The following TMEM108 variants were observed in gnomAD, a reference collection of about 807,000 sequenced individuals.
TMEM108 encodes the protein transmembrane protein 108, also known as cancer/testis antigen 124.
Under a neutral mutation model 35.1 loss-of-function variants are expected in TMEM108, and 12 were observed. That is an observed-to-expected ratio of 0.34 (90% CI 0.22 to 0.55). The LOEUF is 0.55. Ranked by LOEUF, TMEM108 falls within the 20% of genes least tolerant of loss-of-function variation. The pLI is 0.89. For synonymous variants in TMEM108, 287 were observed against 308.6 expected, an observed-to-expected ratio of 0.93 and a Z score of 0.73; for missense variants, 680 against 753.3, an observed-to-expected ratio of 0.90 and a Z score of 1.14.
At chr3:133,076,766 G>A (rs1943747490) in intron 2 of TMEM108, among the ~76,000 whole-genome samples, 1 of 152,202 alleles carries the variant, frequency 6.6e-6, no homozygotes, top group South Asian at 2.1e-4. Context: ...GAAGGCTTTG[G>A]CAATGGGCAG....
At chr3:133,051,856 T>C (rs562310814) in intron 2 of TMEM108, among the ~76,000 whole-genome samples, 1 of 152,294 alleles carries the variant, frequency 6.6e-6, no homozygotes, top group South Asian at 2.1e-4. Flanking sequence ...TATTGGTCTA[T>C]AGGTCTGTTA....
rs866075699 is a variant in TMEM108, at chr3:133,380,253, G to T, written c.542G>T (p.Arg181Leu). The T allele has an allele frequency of 6.2e-7, 1 of 1,613,784 alleles. No individual in the cohort carries two copies. The highest frequency in any genetic ancestry group is 1.1e-5 in the South Asian group (1 of 91,052). The change falls in exon 4 of 6, where the codon CGC becomes CTC. Residue 181 changes from arginine to leucine, a missense_variant. Transcript: ENST00000321871. The surrounding 1 kb of genome is among the most constrained non-coding windows in gnomAD (Gnocchi z 5.3). ...SSRKGAGNSS[R>L]PVPPAPGGHS... ...CGAAAAGGGGCTGGTAATTCATCACGCCCTGTCCCGCCTGCACCTGGTGGC... is the reference window on the plus strand; with the variant it reads ...CGAAAAGGGGCTGGTAATTCATCACTCCCTGTCCCGCCTGCACCTGGTGGC...
At position 133,271,590 on chromosome 3, in the gene TMEM108, A is replaced by G. The variant is rs72976199; in HGVS notation, c.40+42239A>G. Among the ~76,000 whole-genome samples the G allele has an allele frequency of 5.6e-3, 855 of 152,298 alleles. 14 individuals are homozygous for G. The highest frequency in any genetic ancestry group is 0.02 in the African/African-American group (821 of 41,558). ...GAGAGAAATAGCAGGAATTAACAGTATGGTGGCTTCACACGATTGCCCAGA... is the reference window on the plus strand; with the variant it reads ...GAGAGAAATAGCAGGAATTAACAGTGTGGTGGCTTCACACGATTGCCCAGA... On this transcript the variant is annotated intron_variant, in intron 3 of 5. Coordinates refer to ENST00000321871, the MANE Select transcript of TMEM108 (RefSeq NM_023943.4).
chr3:133,232,189 C>T (rs1049525273), intron 3 of TMEM108, among the ~76,000 whole-genome samples: 1 of 152,008 alleles, frequency 6.6e-6, no homozygotes, highest in African/African-American at 2.4e-5. Flanking sequence ...AAATTTTATC[C>T]CGTTTTGGAG....
At position 133,248,029 on chromosome 3, in the gene TMEM108, A is replaced by G. The variant is rs568072694; in HGVS notation, c.40+18678A>G. 2.6e-5 allele frequency: 4 copies of G among 152,316 alleles called. No individual in the cohort carries two copies. The South Asian group carries it at 6.2e-4, about 24-fold the overall frequency. 9.4% of individuals were successfully genotyped at this position (152,316 alleles called of 1,614,324 possible). ...GAAAAAATAGTGTGTTATAGGATAC[A>G]GTAGGAAGCTATAAGTCAAGCCATG... On this transcript the variant is annotated intron_variant, in intron 3 of 5. Transcript: ENST00000321871.
At chr3:133,046,609 C>T (rs183934924) in intron 2 of TMEM108, among the ~76,000 whole-genome samples, 1 of 152,172 alleles carries the variant, frequency 6.6e-6, no homozygotes, top group African/African-American at 2.4e-5. Flanking sequence ...CTATTTGCAG[C>T]CCCTAGTACA....
chr3:133,047,748 C>T (rs1576290705), intron 2 of TMEM108, among the ~76,000 whole-genome samples: 3 of 151,962 alleles, frequency 2.0e-5, no homozygotes, highest in South Asian at 4.2e-4. Context: ...TCTCTGGTAT[C>T]GTATTTTAAT....
At chr3:133,124,877 C>G (rs1238621879) in intron 2 of TMEM108, 1 of 152,166 alleles carries the variant, frequency 6.6e-6, no homozygotes, top group Non-Finnish European at 1.5e-5. Flanking sequence ...AATGGGAACC[C>G]AGAGTGGGCA....
At chr3:133,368,219 A>G (rs2072556267) in intron 3 of TMEM108, among the ~76,000 whole-genome samples, 2 of 150,358 alleles carry the variant, frequency 1.3e-5, no homozygotes, top group Admixed American at 6.6e-5. Context: ...TTGCATCTCT[A>G]GGGTGTGCCT....
chr3:133,180,432 A>C (rs1945317925), intron 2 of TMEM108, among the ~76,000 whole-genome samples: 1 of 152,174 alleles, frequency 6.6e-6, no homozygotes, highest in African/African-American at 2.4e-5. Flanking sequence ...ATGTTTTTAC[A>C]AATCAATGTA....
At chr3:133,129,128 T>A (rs1169863723) in intron 2 of TMEM108, among the ~76,000 whole-genome samples, 1 of 152,092 alleles carries the variant, frequency 6.6e-6, no homozygotes, top group Admixed American at 6.5e-5. Flanking sequence ...GTGGGTCACT[T>A]GAGGCCAGGA....
chr3:133,107,418 G>A (rs1295545538), intron 2 of TMEM108, among the ~76,000 whole-genome samples: 2 of 151,686 alleles, frequency 1.3e-5, no homozygotes, highest in East Asian at 3.9e-4. Flanking sequence ...GTATGCCGAG[G>A]CAAATCTGTG....
chr3:133,109,886 G>A (rs1944204760), intron 2 of TMEM108, among the ~76,000 whole-genome samples: 1 of 152,108 alleles, frequency 6.6e-6, no homozygotes, highest in African/African-American at 2.4e-5. Flanking sequence ...TGTGACCTTA[G>A]TTTTGGTGCA....
chr3:133,185,784 C>CTTTTCT (rs1441056931), intron 2 of TMEM108, among the ~76,000 whole-genome samples: 4 of 127,094 alleles, frequency 3.1e-5, no homozygotes, highest in African/African-American at 1.1e-4. Context: ...CTTTTCTTTT[C>CTTTTCT]TTTTTTTTTT....
chr3:133,219,810 G>A (rs1559872301), intron 2 of TMEM108, among the ~76,000 whole-genome samples: 1 of 152,012 alleles, frequency 6.6e-6, no homozygotes, highest in African/African-American at 2.4e-5. Flanking sequence ...CTGCTCTTAG[G>A]TGGAATGTTC....
rs116321605 is a variant in TMEM108, at chr3:133,117,402, G to A, written c.-47+71382G>A. The stretch of plus-strand genomic sequence containing the variant: ...TGGACTGTGAACAACCCTTAATAAA[G>A]AGTACATTCCTTTCTGCCAGAACTG... On this transcript the variant is annotated intron_variant, in intron 2 of 5. Transcript: ENST00000321871. Among the ~76,000 whole-genome samples, 1,011 of 152,284 alleles carry A rather than the reference G, an allele frequency of 6.6e-3. 13 individuals carry two copies. Among genetic ancestry groups the A allele is most frequent in the African/African-American group, 0.023 (951 of 41,554 alleles).
intron 3 of TMEM108, among the ~76,000 whole-genome samples, chr3:133,233,028 T>G (rs532349261): frequency 7.4e-5 from 5 of 67,726 alleles, no homozygotes; most frequent in African/African-American, 1.2e-4. Flanking sequence ...CCACTTTCGT[T>G]TTTTTTTTTT....
chr3:133,061,273 A>G (rs9837048), intron 2 of TMEM108, among the ~76,000 whole-genome samples: 76,621 of 147,132 alleles, frequency 0.52, 20,006 homozygotes, highest in African/African-American at 0.59. Flanking sequence ...GTGCAGTGGC[A>G]CGATCTCTGC....
chr3:133,175,865 A>G (rs1199107500), intron 2 of TMEM108, among the ~76,000 whole-genome samples: 9 of 152,256 alleles, frequency 5.9e-5, no homozygotes, highest in African/African-American at 2.2e-4. Flanking sequence ...CAATTAAAAG[A>G]CACAGACTGG....
Sources: allele counts gnomAD v4.1 joint callset (sites outside exome capture counted in the v4.1 genomes callset), GRCh38; gene constraint gnomAD v4.1.1; non-coding constraint Gnocchi (gnomAD v3.1); transcripts MANE v1.5; gene names NCBI Gene and HGNC (gene_info 2026-07-23, HGNC 2026-07-21).